ZGRF1: variants seen among roughly 807,000 people sequenced by gnomAD.
ZGRF1 encodes 5'-3' DNA helicase ZGRF1.
In ZGRF1, 196 loss-of-function variants were observed where a neutral mutation model predicts 203.5. The observed-to-expected ratio is 0.96, with a 90% CI of 0.86 to 1.08. ZGRF1 has a LOEUF of 1.08. Ranked by LOEUF, ZGRF1 falls within the 50% of genes least tolerant of loss-of-function variation. The pLI is 0.00. For missense variants in ZGRF1, 2,326 were observed against 2,416.3 expected (o/e 0.96, Z 0.78); for synonymous variants, 809 against 841.3 (o/e 0.96, Z 0.66).
chr4:112,545,850 C>T (rs1183029483), intron 24 of ZGRF1, among the ~76,000 whole-genome samples: 1 of 152,014 alleles, frequency 6.6e-6, no homozygotes, highest in East Asian at 1.9e-4. Flanking sequence ...GTAAATAAGA[C>T]AGACATAAAA....
intron 3 of ZGRF1, 83 bp from the exon 4 acceptor site, chr4:112,623,959 G>C (rs1195661735): frequency 2.9e-6 from 2 of 696,710 alleles, no homozygotes; most frequent in Non-Finnish European, 5.0e-6. Context: ...ATAAGTAATT[G>C]TTATATAAGT....
chr4:112,575,547 C>T (rs181312474), intron 16 of ZGRF1, among the ~76,000 whole-genome samples: 28 of 152,294 alleles, frequency 1.8e-4, no homozygotes, highest in Admixed American at 1.0e-3. Context: ...GTGTGACAGA[C>T]GGCACCTGGA....
Position 112,584,095 on chromosome 4 carries a change from C to A in ZGRF1, c.4181G>T (p.Gly1394Val), listed in dbSNP as rs1457489763. The A allele has an allele frequency of 1.2e-6, 2 of 1,613,522 alleles. No individual in the cohort carries two copies. Among genetic ancestry groups the A allele is most frequent in the Admixed American group, 1.7e-5 (1 of 59,984 alleles). ...TCGAGCTCCTTCCTGTGTTGAATAT[C>A]CTGGAGTCACGTCCTCAAGCCATTT... The part of the protein sequence containing the change: ...FFKWLEDVTP[G>V]YSTQEGARPG... Residue 1394 changes from glycine (G) to valine (V), a missense_variant, in exon 15 of 28, where the codon GGA becomes GTA. Transcript: ENST00000505019.
chr4:112,619,142 T>A lies in ZGRF1; in HGVS notation c.900A>T (p.Glu300Asp), dbSNP rs1162055424. ...CTGTGCTCTTCATCTCAGCACACTC[T>A]TCCTGTTGAATTAGGTACTTTGGTT... ...ATKPKYLIQQ[E>D]ECAEMKSTEN... Residue 300 changes from glutamate (E) to aspartate (D), a missense_variant, in exon 6 of 28, where the codon GAA becomes GAT. Physicochemically the swap from Glu to Asp is conservative, Grantham distance 45. Transcript: ENST00000505019. 2.5e-6 allele frequency: 4 copies of A among 1,613,740 alleles called. No individual in the cohort carries two copies. The highest frequency in any genetic ancestry group is 3.4e-6 in the Non-Finnish European group (4 of 1,179,956).
At chr4:112,545,001 C>T (rs1738471763) in intron 24 of ZGRF1, among the ~76,000 whole-genome samples, 1 of 152,012 alleles carries the variant, frequency 6.6e-6, no homozygotes, top group African/African-American at 2.4e-5. Flanking sequence ...CAAAATGGAT[C>T]AAAGACCTCA....
intron 3 of ZGRF1, among the ~76,000 whole-genome samples, chr4:112,627,029 T>A (rs2047261590): frequency 6.6e-6 from 1 of 152,116 alleles, no homozygotes. Flanking sequence ...TGGCCTGGTC[T>A]CAAACTCCTG....
At chr4:112,570,227 T>C (rs1305667404) in intron 16 of ZGRF1, among the ~76,000 whole-genome samples, 2 of 152,162 alleles carry the variant, frequency 1.3e-5, no homozygotes, top group African/African-American at 4.8e-5. Context: ...ATTTCTCTTG[T>C]ACTATGCCAT....
In ZGRF1 at chr4:112,577,849, C is replaced by T. The variant is rs1745514615; in HGVS notation, c.4438+3814G>A. ...AATAATGGGAGACTTTAACACCCCA[C>T]TGTCAACATTAGACAGATCAATGAG... On this transcript the variant is annotated intron_variant, in intron 16 of 27. Coordinates refer to ENST00000505019, the MANE Select transcript of ZGRF1 (RefSeq NM_018392.5). 1.6e-5 allele frequency among the ~76,000 whole-genome samples: 2 copies of T among 121,958 alleles called. 1 individual carries two copies. The allele number at this position is 121,958 out of a possible 152,430, so 80.0% of individuals were successfully genotyped here.
At chr4:112,634,841 A>C (rs950695510) in intron 1 of ZGRF1, among the ~76,000 whole-genome samples, 1 of 151,882 alleles carries the variant, frequency 6.6e-6, no homozygotes, top group Non-Finnish European at 1.5e-5. Flanking sequence ...TTTCAGAAAT[A>C]TAACTCCTGG....
intron 9 of ZGRF1, among the ~76,000 whole-genome samples, chr4:112,605,295 G>T (rs1360501023): frequency 6.6e-6 from 1 of 152,110 alleles, no homozygotes; most frequent in Admixed American, 6.6e-5. Context: ...AGAGTAGCTG[G>T]GACTACAGGT....
intron 6 of ZGRF1, among the ~76,000 whole-genome samples, chr4:112,614,662 TA>T (rs998252372): frequency 6.6e-6 from 1 of 150,770 alleles, no homozygotes; most frequent in South Asian, 2.1e-4. Flanking sequence ...CCGTCTCTAA[TA>T]AAAAAAAACA....
intron 19 of ZGRF1, among the ~76,000 whole-genome samples, chr4:112,559,373 A>AT (rs1441718934): frequency 6.6e-6 from 1 of 151,890 alleles, no homozygotes; most frequent in African/African-American, 2.4e-5. Context: ...TAATTTTTAA[A>AT]TTTTTTTGTA....
intron 10 of ZGRF1, among the ~76,000 whole-genome samples, chr4:112,603,215 GA>G (rs959375008): frequency 2.6e-5 from 4 of 151,728 alleles, no homozygotes; most frequent in African/African-American, 4.8e-5. Flanking sequence ...AATATCAGAA[GA>G]AAAAAAATCT....
Position 112,539,931 on chromosome 4 carries a change from A to T in ZGRF1, c.6104T>A (p.Leu2035Ter). ...CAAACAGGCTAAATTTCCCACAATC[A>T]ACAAATGCCTCTTTCCTCTAGTCAA... ...VALTRGKRHL[L>*]IVGNLACLRK... The change falls in exon 27 of 28, where the codon TTG (leucine) becomes TAG (stop). Residue 2035 changes from leucine (L) to a stop codon, truncating the protein, a stop_gained. Transcript: ENST00000505019. LOFTEE classifies it high-confidence loss of function. The T allele has an allele frequency of 6.2e-7, 1 of 1,613,914 alleles. No individual in the cohort carries two copies. Among genetic ancestry groups the T allele is most frequent in the Non-Finnish European group, 8.5e-7 (1 of 1,179,816 alleles).
In ZGRF1 at chr4:112,586,590, T is replaced by C; in HGVS notation, c.3778-7A>G. 1 of 1,594,714 alleles carries C rather than the reference T, an allele frequency of 6.3e-7. No individual in the cohort carries two copies. The highest frequency in any genetic ancestry group is 8.6e-7 in the Non-Finnish European group (1 of 1,169,206). On this transcript the variant is annotated splice_polypyrimidine_tract_variant and splice_region_variant and intron_variant, in intron 12 of 27. Transcript: ENST00000505019. ...GCTCAGAGCCACTTATCTCCTGCAA[T>C]GGAATAATTCAAGTTATCATAGCAA...
chr4:112,570,159 A>G (rs1743944429), intron 16 of ZGRF1, among the ~76,000 whole-genome samples: 1 of 152,200 alleles, frequency 6.6e-6, no homozygotes, highest in Admixed American at 6.5e-5. Context: ...GGACAAGACA[A>G]TTAATAAGCT....
At chr4:112,579,399 A>G (rs1170681231) in intron 16 of ZGRF1, among the ~76,000 whole-genome samples, 2 of 122,844 alleles carry the variant, frequency 1.6e-5, no homozygotes, top group East Asian at 4.8e-4. Context: ...CCTATTCAAC[A>G]TAGTGTTGGA....
intron 16 of ZGRF1, among the ~76,000 whole-genome samples, chr4:112,567,874 C>T (rs571382440): frequency 2.4e-4 from 36 of 151,860 alleles, no homozygotes; most frequent in African/African-American, 7.3e-4. Flanking sequence ...TGCAGTGAGC[C>T]GTGATTGCTC....
intron 16 of ZGRF1, among the ~76,000 whole-genome samples, chr4:112,572,068 G>C (rs1210921754): frequency 1.3e-5 from 2 of 151,962 alleles, no homozygotes; most frequent in South Asian, 2.1e-4. Flanking sequence ...AGCAAAATTG[G>C]TAATTAAAAA....
Sources: allele counts gnomAD v4.1 joint callset (sites outside exome capture counted in the v4.1 genomes callset), GRCh38; gene constraint gnomAD v4.1.1; transcripts MANE v1.5; gene names NCBI Gene and HGNC (gene_info 2026-07-23, HGNC 2026-07-21).